The following SVIL variants were observed in gnomAD, a reference collection of about 807,000 sequenced individuals.
SVIL encodes the protein archvillin.
SVIL carries 101 observed loss-of-function variants against 240.4 expected under a neutral mutation model. That is an observed-to-expected ratio of 0.42 (90% CI 0.36 to 0.50). The LOEUF (loss-of-function observed/expected upper bound fraction) is 0.50, where lower values mean the gene tolerates loss of function less well. Ranked by LOEUF, SVIL falls within the 20% of genes least tolerant of loss-of-function variation. The pLI is 0.01. For synonymous variants in SVIL, 999 were observed against 1,100.0 expected (o/e 0.91, Z 1.82); for missense variants, 2,512 against 2,818.7 (o/e 0.89, Z 2.46).
intron 36 of SVIL, among the ~76,000 whole-genome samples, chr10:29,459,839 T>TCAA (rs1459654071): frequency 6.6e-6 from 1 of 152,110 alleles, no homozygotes; most frequent in Non-Finnish European, 1.5e-5. Context: ...GCCTGTAATC[T>TCAA]CAACACTGTA....
intron 1 of SVIL, among the ~76,000 whole-genome samples, chr10:29,693,278 T>C: frequency 6.9e-6 from 1 of 145,908 alleles, no homozygotes; most frequent in Non-Finnish European, 1.5e-5. Context: ...AGCATGACAC[T>C]ATAGGACCTC....
intron 1 of SVIL, among the ~76,000 whole-genome samples, chr10:29,604,649 C>T (rs1273531788): frequency 5.9e-5 from 9 of 151,966 alleles, no homozygotes; most frequent in Non-Finnish European, 1.0e-4. Context: ...ACTGCAGCCT[C>T]GATCTCCTGC....
chr10:29,613,876 T>A (rs1157497048), intron 1 of SVIL, among the ~76,000 whole-genome samples: 1 of 152,206 alleles, frequency 6.6e-6, no homozygotes, highest in Non-Finnish European at 1.5e-5. Flanking sequence ...ATCCAGATAA[T>A]CACCTTACAT....
chr10:29,702,654 T>G (rs900303933), intron 1 of SVIL, among the ~76,000 whole-genome samples: 23 of 152,320 alleles, frequency 1.5e-4, no homozygotes, highest in African/African-American at 4.8e-4. Context: ...AGTTCAAAAC[T>G]TATTACAGAG....
At chr10:29,691,607 T>C (rs1258095311) in intron 1 of SVIL, among the ~76,000 whole-genome samples, 1 of 152,226 alleles carries the variant, frequency 6.6e-6, no homozygotes, top group Non-Finnish European at 1.5e-5. Flanking sequence ...TGTCCACTAA[T>C]CCTGTCTCAG....
At chr10:29,695,534 T>A (rs1393812131) in intron 1 of SVIL, among the ~76,000 whole-genome samples, 1 of 151,982 alleles carries the variant, frequency 6.6e-6, no homozygotes, top group Non-Finnish European at 1.5e-5. Flanking sequence ...TCACCTGAGG[T>A]CAGGAGTTTC....
In SVIL at chr10:29,668,765, C is replaced by T. The variant is rs148046651; in HGVS notation, c.-300-10697G>A. Among the ~76,000 whole-genome samples, 352 of 152,280 alleles carry T rather than the reference C, an allele frequency of 2.3e-3. 1 individual carries two copies. The highest frequency in any genetic ancestry group is 7.9e-3 in the African/African-American group (329 of 41,564). ...TTGGGATTACAGGTGTGAGTCACTG[C>T]GCCCAGCCAAATCTAAGATAAATCT... On this transcript the variant is annotated intron_variant, in intron 2 of 35. Transcript: ENST00000375400.
chr10:29,636,167 A>C (rs928369672), upstream of SVIL, among the ~76,000 whole-genome samples: 8 of 150,978 alleles, frequency 5.3e-5, no homozygotes, highest in Non-Finnish European at 1.2e-4. Context: ...TGGCTTTTGC[A>C]TCCTAATCTC....
At chr10:29,717,862 A>C (rs1963722799) in intron 1 of SVIL, among the ~76,000 whole-genome samples, 1 of 152,216 alleles carries the variant, frequency 6.6e-6, no homozygotes, top group African/African-American at 2.4e-5. Context: ...AATATAGACC[A>C]AGTATTTCAG....
At chr10:29,604,558 A>G (rs980466888) in intron 1 of SVIL, among the ~76,000 whole-genome samples, 2 of 147,988 alleles carry the variant, frequency 1.4e-5, no homozygotes, top group Non-Finnish European at 1.5e-5. Context: ...TTATTTATTT[A>G]TTTACTTACT....
chr10:29,473,973 C>G lies in SVIL; in HGVS notation c.5394G>C (p.Lys1798Asn), dbSNP rs754847603. The G allele has an allele frequency of 4.0e-5, 65 of 1,613,456 alleles. No individual in the cohort carries two copies. The highest frequency in any genetic ancestry group is 4.8e-5 in the Non-Finnish European group (57 of 1,179,952). Residue 1798 changes from lysine to asparagine, a missense_variant, in exon 30 of 38, where the codon AAG becomes AAC. Physicochemically the swap from Lys to Asn is moderately conservative, Grantham distance 94. Coordinates refer to ENST00000355867, the MANE Select transcript of SVIL (RefSeq NM_021738.3). ...CGGCTGCCCTCACCGAGTGCTCTCC[C>G]TTCTGGCGACTTCCCACTGCAAACA... Reference protein sequence around the residue: ...MVSTAVGSRQKGEHSVRAAGK... With the variant: ...MVSTAVGSRQNGEHSVRAAGK...
At position 29,512,750 on chromosome 10, in the gene SVIL, C is replaced by T. The variant is rs61737023; in HGVS notation, c.3501G>A (p.Arg1167=). The T allele has an allele frequency of 1.7e-3, 2,808 of 1,614,054 alleles. 58 individuals carry two copies. The African/African-American group carries it at 0.033, about 19-fold the overall frequency. The part of the protein sequence containing the change: ...ASSLHTQEAG[R]SLIKKRVTES... Reference sequence around the variant, plus strand: ...GGAATGTTACCTTCTTGATGAGGGACCGCCCTGCTTCCTGGGTGTGCAGGC... The same window carrying T: ...GGAATGTTACCTTCTTGATGAGGGATCGCCCTGCTTCCTGGGTGTGCAGGC... Residue 1167 remains arginine, a synonymous_variant, in exon 17 of 38, where the codon CGG becomes CGA. Coordinates refer to ENST00000355867, the MANE Select transcript of SVIL (RefSeq NM_021738.3).
intron 1 of SVIL, among the ~76,000 whole-genome samples, chr10:29,710,867 A>C (rs572911590): frequency 1.0e-3 from 152 of 152,338 alleles, no homozygotes; most frequent in African/African-American, 3.6e-3. Flanking sequence ...AGGCAAAGAG[A>C]TGTGGCATCC....
intron 1 of SVIL, among the ~76,000 whole-genome samples, chr10:29,700,473 T>C (rs911194972): frequency 1.4e-5 from 2 of 145,736 alleles, no homozygotes; most frequent in South Asian, 4.5e-4. Flanking sequence ...ATTTCCTTTT[T>C]TTTTTTTTTT....
rs1945860343 is a variant in SVIL, at chr10:29,473,835, C to T, written c.5529+3G>A. ...CCGGGGTGCAGAGCTCCCCAGGACT[C>T]ACCTGGGCCCCCCTTTCCTCGTCCA... On this transcript the variant is annotated splice_donor_region_variant and intron_variant, in intron 30 of 37. Transcript: ENST00000355867. 1 of 1,613,866 alleles carries T rather than the reference C, an allele frequency of 6.2e-7. No individual in the cohort carries two copies. The highest frequency in any genetic ancestry group is 8.5e-7 in the Non-Finnish European group (1 of 1,179,928).
intron 1 of SVIL, among the ~76,000 whole-genome samples, chr10:29,705,506 C>A (rs1962825458): frequency 6.6e-6 from 1 of 151,612 alleles, no homozygotes; most frequent in African/African-American, 2.4e-5. Flanking sequence ...GTTCGGGATA[C>A]AAGTGCAGAA....
At chr10:29,537,090 A>G (rs993234662) in intron 6 of SVIL, among the ~76,000 whole-genome samples, 2 of 152,044 alleles carry the variant, frequency 1.3e-5, no homozygotes, top group Non-Finnish European at 2.9e-5. Flanking sequence ...AAAACAACAC[A>G]TTTCAAATAA....
At chr10:29,531,869 G>C (rs550394119) in intron 9 of SVIL, 133 bp downstream of exon 9, 21 of 1,052,358 alleles carry the variant, frequency 2.0e-5, no homozygotes, top group Non-Finnish European at 2.6e-5. Flanking sequence ...AATAAATAAC[G>C]CTTATAGGTT....
At chr10:29,519,785 T>A (rs1950444470) in intron 16 of SVIL, among the ~76,000 whole-genome samples, 1 of 152,254 alleles carries the variant, frequency 6.6e-6, no homozygotes, top group Admixed American at 6.5e-5. Context: ...CTTTCTATCA[T>A]GATTCTGAAC....
Sources: allele counts gnomAD v4.1 joint callset (sites outside exome capture counted in the v4.1 genomes callset), GRCh38; gene constraint gnomAD v4.1.1; transcripts MANE v1.5; gene names NCBI Gene and HGNC (gene_info 2026-07-23, HGNC 2026-07-21).